Variants in ZNF614 observed in about 807,000 individuals in gnomAD.
ZNF614 encodes the protein zinc finger protein 614.
Under a neutral mutation model 12.8 loss-of-function variants are expected in ZNF614, and 11 were observed. The observed-to-expected ratio is 0.86, with a 90% CI of 0.54 to 1.43. The LOEUF (loss-of-function observed/expected upper bound fraction) is 1.43, where lower values mean the gene tolerates loss of function less well. ZNF614 is among the 40% of genes most tolerant of loss of function. ZNF614 has a pLI of 0.00. For synonymous variants in ZNF614, 237 were observed against 237.5 expected, an observed-to-expected ratio of 1.00 and a Z score of 0.02; for missense variants, 664 against 708.8, an observed-to-expected ratio of 0.94 and a Z score of 0.72.
intron 4 of ZNF614, 52 bp from the exon 5 acceptor site, chr19:52,017,411 A>G: frequency 2.6e-6 from 4 of 1,518,094 alleles, no homozygotes; most frequent in Non-Finnish European, 3.5e-6. Flanking sequence ...ATGAGATAAA[A>G]ATGCTTATGA....
chr19:52,022,709 GT>G (rs2123125860), intron 2 of ZNF614, among the ~76,000 whole-genome samples: 1 of 151,996 alleles, frequency 6.6e-6, no homozygotes, highest in African/African-American at 2.4e-5. Context: ...CCCTCCTCAG[GT>G]TTGATAATTT....
chr19:52,018,631 A>AT, intron 2 of ZNF614, 137 bp from the exon 3 acceptor site: 2 of 846,748 alleles, frequency 2.4e-6, no homozygotes, highest in South Asian at 4.1e-5. Flanking sequence ...TAGGAGCAAA[A>AT]TCCTCTATCT....
At chr19:52,027,879 G>T (rs1467841573) in intron 1 of ZNF614, among the ~76,000 whole-genome samples, 3 of 152,080 alleles carry the variant, frequency 2.0e-5, no homozygotes, top group African/African-American at 7.2e-5. Context: ...TAGACTTAAC[G>T]AACATTTAAC....
intron 1 of ZNF614, 55 bp from the exon 2 acceptor site, chr19:52,026,016 C>G (rs996014661): frequency 2.3e-6 from 1 of 441,142 alleles, no homozygotes; most frequent in African/African-American, 2.0e-5. Context: ...GACATTGTCA[C>G]TGCTGCTCTG....
intron 4 of ZNF614, chr19:52,017,654 T>C (rs1026914149): frequency 1.4e-5 from 5 of 368,972 alleles, no homozygotes; most frequent in African/African-American, 6.3e-5. Flanking sequence ...CAAGCCGAGA[T>C]TGGGCCATTG....
rs558813046 is a variant in ZNF614 at position 52,022,673 on chromosome 19, G to T, written c.15+3058C>A. On this transcript the variant is annotated intron_variant, in intron 2 of 4. Transcript: ENST00000270649. ...GGCTACCAGTATTTCTGACTAACTG[G>T]CTATAAATTAGAGGCTCCCACAAAC... 4.8e-4 allele frequency among the ~76,000 whole-genome samples: 72 copies of T among 151,224 alleles called. No homozygotes were observed. The South Asian group carries it at 5.7e-3, about 12-fold the overall frequency.
At position 52,014,219 on chromosome 19, in the gene ZNF614, C is replaced by T. The variant is rs536275338; in HGVS notation, c.*1621G>A. The T allele has an allele frequency of 5.3e-5, 8 of 152,330 alleles. 1 individual carries two copies. In the South Asian group the frequency reaches 1.7e-3, roughly 32 times the overall value. 9.4% of individuals were successfully genotyped at this position (152,330 alleles called of 1,614,324 possible). A position where few individuals can be genotyped will look rare whatever the true frequency, so the allele number is the denominator to read the frequency against. On this transcript the variant is annotated 3_prime_UTR_variant, in exon 5 of 5. Coordinates refer to ENST00000270649, the MANE Select transcript of ZNF614 (RefSeq NM_025040.4). The stretch of plus-strand genomic sequence containing the variant: ...ACAAATAAATTCTCTAATTCTCCCA[C>T]ACCAATTGGGTGTTCTACAATTCAA...
rs971184295 is a variant in ZNF614 at position 52,015,704 on chromosome 19, A to G, written c.*136T>C. 12 of 818,314 alleles carry G rather than the reference A, an allele frequency of 1.5e-5. No homozygotes were observed. In the Admixed American group the frequency reaches 2.0e-4, roughly 14 times the overall value. The allele number at this position is 818,314 out of a possible 1,614,324, so 50.7% of individuals were successfully genotyped here. On this transcript the variant is annotated 3_prime_UTR_variant, in exon 5 of 5. Transcript: ENST00000270649. ...AAATTATTTCACCTCCTGAGGACAG[A>G]CACACATCTGTCAACAGGCAGCACC...
intron 2 of ZNF614, among the ~76,000 whole-genome samples, chr19:52,020,684 A>ACTTAGTGCG (rs1213987561): frequency 6.6e-6 from 1 of 152,144 alleles, no homozygotes; most frequent in East Asian, 1.9e-4. Context: ...CTCTCTAATC[A>ACTTAGTGCG]CTTAGTGCGC....
rs551345226 is a variant in ZNF614, at chr19:52,024,485, G to A, written c.15+1246C>T. ...ACCCCACATATCTGGTGTCAGATGTGGGGAAAAGAAAGAGAGATCAGACTG... is the reference window on the plus strand; with the variant it reads ...ACCCCACATATCTGGTGTCAGATGTAGGGAAAAGAAAGAGAGATCAGACTG... On this transcript the variant is annotated intron_variant, in intron 2 of 4. Transcript: ENST00000270649. Among the ~76,000 whole-genome samples the A allele has an allele frequency of 5.9e-5, 9 of 152,212 alleles. No homozygotes were observed. In the South Asian group the frequency reaches 1.5e-3, roughly 25 times the overall value.
At position 52,018,495 on chromosome 19, in the gene ZNF614, C is replaced by A; in HGVS notation, c.16-1G>T. The stretch of plus-strand genomic sequence containing the variant: ...CCACATCCTCCAGGGTCAGTGATTC[C>A]TGTAATTACAAAGTCCTATTCAATA... On this transcript the variant is annotated splice_acceptor_variant, in intron 2 of 4. Transcript: ENST00000270649. LOFTEE classifies it high-confidence loss of function. The A allele has an allele frequency of 6.2e-7, 1 of 1,613,962 alleles. No homozygotes were observed. The highest frequency in any genetic ancestry group is 1.3e-5 in the African/African-American group (1 of 75,034).
intron 4 of ZNF614, 164 bp downstream of exon 4, chr19:52,017,844 A>G (rs1235534591): frequency 1.9e-6 from 1 of 531,308 alleles, no homozygotes; most frequent in Non-Finnish European, 3.3e-6. Flanking sequence ...AGAAAAGACA[A>G]AAAGTCTTTA....
At chr19:52,020,491 C>T (rs2086926515) in intron 2 of ZNF614, among the ~76,000 whole-genome samples, 1 of 152,234 alleles carries the variant, frequency 6.6e-6, no homozygotes, top group South Asian at 2.1e-4. Context: ...TTCCTGACTA[C>T]ATTGTGTAAC....
Position 52,025,800 on chromosome 19 carries a change from T to C in ZNF614, c.-55A>G. The C allele has an allele frequency of 1.3e-6, 2 of 1,589,120 alleles. No homozygotes were observed. Among genetic ancestry groups the C allele is most frequent in the Non-Finnish European group, 1.7e-6 (2 of 1,165,770 alleles). ...ACATGGACTATACGTCTTTGTCTCT[T>C]CTGCATTTGCCATGAAGTTTTTGAA... On this transcript the variant is annotated 5_prime_UTR_variant, in exon 2 of 5. Transcript: ENST00000270649.
rs1240172476 is a variant in ZNF614 at position 52,016,591 on chromosome 19, G to A, written c.1007C>T (p.Thr336Ile). Reference sequence around the variant, plus strand: ...TATATAGGGTTTCTCCCCTGTATGAGTTCGCTGATGTACAATGAGATTGCT... The same window carrying A: ...TATATAGGGTTTCTCCCCTGTATGAATTCGCTGATGTACAATGAGATTGCT... ...VKSNLIVHQR[T>I]HTGEKPYICS... The change falls in exon 5 of 5, where the codon ACT becomes ATT. Residue 336 changes from threonine to isoleucine, a missense_variant. By Grantham distance (89) the Thr-to-Ile change is moderately conservative. Transcript: ENST00000270649. 6.2e-7 allele frequency: 1 copy of A among 1,614,170 alleles called. No homozygotes were observed. Among genetic ancestry groups the A allele is most frequent in the East Asian group, 2.2e-5 (1 of 44,868 alleles).
Position 52,017,361 on chromosome 19 carries a change from TAAGA to T in ZNF614, c.239-6_239-3del. ...GATGACTGTCAACTTTCCCGATTCC[TAAGA>T]AAGAACAGAGTAACAAATTCTTCCA... On this transcript the variant is annotated splice_region_variant and splice_polypyrimidine_tract_variant and intron_variant, in intron 4 of 4. Transcript: ENST00000270649. 1 of 1,585,836 alleles carries T rather than the reference TAAGA, an allele frequency of 6.3e-7. No individual in the cohort carries two copies. The highest frequency in any genetic ancestry group is 8.6e-7 in the Non-Finnish European group (1 of 1,168,794).
Position 52,027,065 on chromosome 19 carries a change from G to A in ZNF614, c.-216-1104C>T, listed in dbSNP as rs1356656863. Among the ~76,000 whole-genome samples, 6 of 152,102 alleles carry A rather than the reference G, an allele frequency of 3.9e-5. No homozygotes were observed. The South Asian group carries it at 1.2e-3, about 32-fold the overall frequency. On this transcript the variant is annotated intron_variant, in intron 1 of 4. Transcript: ENST00000270649. The stretch of plus-strand genomic sequence containing the variant: ...CCGTATGCTGAGTGCTGGTCTCCTG[G>A]GCCCACTTTTCTTTCTCTATACTTT...
At chr19:52,018,176 T>C in intron 3 of ZNF614, 73 bp from the exon 4 acceptor site, 1 of 1,477,376 alleles carries the variant, frequency 6.8e-7, no homozygotes, top group Non-Finnish European at 9.4e-7. Flanking sequence ...AAATAATACA[T>C]TCGATGAAGA....
chr19:52,028,055 C>T (rs1306310494), intron 1 of ZNF614, among the ~76,000 whole-genome samples, 187 bp downstream of exon 1: 2 of 152,248 alleles, frequency 1.3e-5, no homozygotes, highest in African/African-American at 2.4e-5. Flanking sequence ...ACAAGGGCCC[C>T]AGACCCAGAC....
Sources: allele counts gnomAD v4.1 joint callset (sites outside exome capture counted in the v4.1 genomes callset), GRCh38; gene constraint gnomAD v4.1.1; transcripts MANE v1.5; gene names NCBI Gene and HGNC (gene_info 2026-07-23, HGNC 2026-07-21).